CDH18: variants seen among roughly 807,000 people sequenced by gnomAD.
CDH18 encodes cadherin 18, also known as cadherin-18.
In CDH18, 31 loss-of-function variants were observed where a neutral mutation model predicts 67.9. That is an observed-to-expected ratio of 0.46 (90% CI 0.34 to 0.62). The LOEUF (loss-of-function observed/expected upper bound fraction) is 0.62. CDH18 is among the 20% of genes least tolerant of loss of function. The pLI, the probability that CDH18 is intolerant of heterozygous loss-of-function variation, is 0.01. For synonymous variants in CDH18, 362 were observed against 347.2 expected, an observed-to-expected ratio of 1.04 and a Z score of -0.48; for missense variants, 890 against 975.5, an observed-to-expected ratio of 0.91 and a Z score of 1.17.
chr5:20,059,460 C>T (rs1166452380), intron 2 of CDH18, among the ~76,000 whole-genome samples: 1 of 152,066 alleles, frequency 6.6e-6, no homozygotes, highest in Admixed American at 6.6e-5. Context: ...CTCCTGTGGG[C>T]ATTTAGTGCT....
chr5:19,645,057 T>A (rs561838862), intron 5 of CDH18, among the ~76,000 whole-genome samples: 1 of 152,310 alleles, frequency 6.6e-6, no homozygotes, highest in South Asian at 2.1e-4. Flanking sequence ...CATAGTATTA[T>A]GGAGAAGATG....
chr5:20,256,335 C>T (rs1394047695), intron 1 of CDH18, among the ~76,000 whole-genome samples: 1 of 152,044 alleles, frequency 6.6e-6, no homozygotes, highest in African/African-American at 2.4e-5. Context: ...CTCTGACCTT[C>T]TTAGCCCAAA....
chr5:20,204,129 C>A (rs1335473247), intron 2 of CDH18, among the ~76,000 whole-genome samples: 2 of 151,874 alleles, frequency 1.3e-5, no homozygotes, highest in Admixed American at 1.3e-4. Context: ...ATATACACAT[C>A]CAGGTGCAGA....
At chr5:20,093,361 T>TC (rs1483720406) in intron 2 of CDH18, among the ~76,000 whole-genome samples, 1 of 151,732 alleles carries the variant, frequency 6.6e-6, no homozygotes, top group Non-Finnish European at 1.5e-5. Context: ...GTATTCTTTT[T>TC]TTTTTTCTGT....
At chr5:19,882,524 T>C (rs1189615107) in intron 2 of CDH18, among the ~76,000 whole-genome samples, 3 of 152,140 alleles carry the variant, frequency 2.0e-5, no homozygotes, top group Non-Finnish European at 4.4e-5. Context: ...CTGAGTATTA[T>C]CTAAATTAAA....
intron 2 of CDH18, among the ~76,000 whole-genome samples, chr5:19,891,618 C>T (rs1162973580): frequency 6.6e-6 from 1 of 152,110 alleles, no homozygotes; most frequent in African/African-American, 2.4e-5. Flanking sequence ...ATAAGTGCCT[C>T]AAACAACATT....
intron 1 of CDH18, among the ~76,000 whole-genome samples, chr5:20,443,204 C>T (rs1370892842): frequency 4.4e-4 from 17 of 38,848 alleles, no homozygotes; most frequent in Non-Finnish European, 2.1e-4. Flanking sequence ...AGCGAGACTC[C>T]GTCACAAAAA....
chr5:20,026,584 G>A (rs1017054940), intron 2 of CDH18, among the ~76,000 whole-genome samples: 1 of 152,008 alleles, frequency 6.6e-6, no homozygotes, highest in East Asian at 1.9e-4. Flanking sequence ...GCCATATTTT[G>A]GTCAAAATCA....
At chr5:19,986,462 T>A (rs1213138734) in intron 1 of CDH18, among the ~76,000 whole-genome samples, 1 of 152,224 alleles carries the variant, frequency 6.6e-6, no homozygotes, top group East Asian at 1.9e-4. Context: ...AGAGAGGCAA[T>A]CAATCTTGAC....
At chr5:19,751,130 C>T (rs1034949734) in intron 3 of CDH18, among the ~76,000 whole-genome samples, 13 of 152,202 alleles carry the variant, frequency 8.5e-5, no homozygotes, top group South Asian at 2.1e-4. Flanking sequence ...AGAAAGCCAG[C>T]GTGACTCACA....
intron 2 of CDH18, among the ~76,000 whole-genome samples, chr5:20,121,929 A>C (rs1748385523): frequency 6.6e-6 from 1 of 151,996 alleles, no homozygotes; most frequent in Non-Finnish European, 1.5e-5. Flanking sequence ...CATGGCATAA[A>C]CTCTACCTTT....
At chr5:19,804,552 C>T (rs771103788) in intron 3 of CDH18, among the ~76,000 whole-genome samples, 1 of 152,038 alleles carries the variant, frequency 6.6e-6, no homozygotes, top group Non-Finnish European at 1.5e-5. Flanking sequence ...GTGCCTACAC[C>T]CTGTTCTACT....
Position 20,513,156 on chromosome 5 carries a change from A to C in CDH18, c.-580+62306T>G, listed in dbSNP as rs571006209. ...ATATTAACAAGAAAACTCTAAAACT[A>C]GTCTTCCTTTTTCAGTTATAATAAA... On this transcript the variant is annotated intron_variant, in intron 1 of 14. Transcript: ENST00000507958. Among the ~76,000 whole-genome samples, 39 of 152,312 alleles carry C rather than the reference A, an allele frequency of 2.6e-4. No individual in the cohort carries two copies. In the South Asian group the frequency reaches 8.1e-3, roughly 32 times the overall value.
intron 1 of CDH18, among the ~76,000 whole-genome samples, chr5:20,497,926 C>T (rs1338412897): frequency 1.3e-5 from 2 of 152,018 alleles, no homozygotes; most frequent in African/African-American, 4.8e-5. Context: ...ATGGAGTCCC[C>T]ATGAATGAGA....
At chr5:20,009,734 CTCAAT>C in intron 2 of CDH18, among the ~76,000 whole-genome samples, 1 of 152,084 alleles carries the variant, frequency 6.6e-6, no homozygotes, top group Non-Finnish European at 1.5e-5. Context: ...ACTAGGAGAA[CTCAAT>C]TCATCTTTCC....
rs1047938107 is a variant in CDH18 at position 19,596,625 on chromosome 5, G to A, written c.812-5381C>T. Among the ~76,000 whole-genome samples the A allele has an allele frequency of 3.9e-5, 6 of 152,090 alleles. No individual in the cohort carries two copies. In the East Asian group the frequency reaches 5.8e-4, roughly 15 times the overall value. Reference sequence around the variant, plus strand: ...ATAAAGAAGGTTGTTTTCACAAAGCGGATTGCAAAAAACTGTTCAAATGGG... The same window carrying A: ...ATAAAGAAGGTTGTTTTCACAAAGCAGATTGCAAAAAACTGTTCAAATGGG... On this transcript the variant is annotated intron_variant, in intron 6 of 12. Transcript: ENST00000382275.
chr5:19,860,660 T>C (rs1036353064), intron 2 of CDH18, among the ~76,000 whole-genome samples: 1 of 151,976 alleles, frequency 6.6e-6, no homozygotes, highest in Non-Finnish European at 1.5e-5. Flanking sequence ...GACCAATATT[T>C]TTCAGTATTA....
chr5:19,520,615 T>C (rs1405806168), intron 10 of CDH18, 42 bp downstream of exon 10: 1 of 1,572,352 alleles, frequency 6.4e-7, no homozygotes, highest in Non-Finnish European at 8.6e-7. Flanking sequence ...GGCGCTTGCA[T>C]TTATTCCATT....
In CDH18 at chr5:19,471,655, A is replaced by G. The variant is rs1001683876; in HGVS notation, c.*1571T>C. On this transcript the variant is annotated 3_prime_UTR_variant, in exon 13 of 13. Transcript: ENST00000382275. ...TCTTACTTCAAGGCCAATAGCAACA[A>G]CAACAAAACATTATCTAAAACAATT... is the stretch of plus-strand genomic sequence containing the variant. Among the ~76,000 whole-genome samples the G allele has an allele frequency of 6.6e-6, 1 of 152,066 alleles. No individual in the cohort carries two copies. Among genetic ancestry groups the G allele is most frequent in the African/African-American group, 2.4e-5 (1 of 41,386 alleles).
Sources: gnomAD v4.1 joint callset for allele counts (sites outside exome capture counted in the v4.1 genomes callset) on GRCh38, gnomAD v4.1.1 for gene constraint, MANE v1.5 for transcripts, NCBI Gene and HGNC (gene_info 2026-07-23, HGNC 2026-07-21) for gene names.